Variants in HACL2 observed in about 807,000 individuals in gnomAD.
HACL2 encodes the protein 2-hydroxyacyl-CoA lyase 2.
the HACL2 span, chr19:15,116,717 A>G: frequency 1.7e-6 from 1 of 582,658 alleles, no homozygotes; most frequent in Non-Finnish European, 3.0e-6. Flanking sequence ...AGCCCAGGTG[A>G]AAAGGGAAGA....
At chr19:15,118,273 T>G in the HACL2 span, among the ~76,000 whole-genome samples, 1 of 152,288 alleles carries the variant, frequency 6.6e-6, no homozygotes, top group South Asian at 2.1e-4. Flanking sequence ...CTACATCCAT[T>G]TGTACAAGGT....
chr19:15,116,513 C>A, the HACL2 span: 3 of 1,613,054 alleles, frequency 1.9e-6, no homozygotes, highest in Non-Finnish European at 2.5e-6. Context: ...CACGAAGGAA[C>A]CCACATCTCC....
chr19:15,117,995 G>A, the HACL2 span: 5 of 1,614,056 alleles, frequency 3.1e-6, no homozygotes, highest in African/African-American at 6.7e-5. Flanking sequence ...CCATAGGATA[G>A]GCGGAAGTCA....
chr19:15,123,309 C>G, the HACL2 span: 3 of 1,604,946 alleles, frequency 1.9e-6, no homozygotes, highest in African/African-American at 2.7e-5. The surrounding 1 kb of genome is among the most constrained non-coding windows in gnomAD (Gnocchi z 5.1). Context: ...CTGAAAAACC[C>G]CTACCCTCAC....
the HACL2 span, chr19:15,124,864 C>G: frequency 6.5e-7 from 1 of 1,545,598 alleles, no homozygotes; most frequent in East Asian, 2.4e-5. Context: ...CTGGAAGCAG[C>G]ACCACGAGGC....
the HACL2 span, chr19:15,119,305 G>C: frequency 2.5e-6 from 4 of 1,603,122 alleles, no homozygotes; most frequent in African/African-American, 1.3e-5. Context: ...CGGCAGCCCT[G>C]GGAGTCCAGG....
the HACL2 span, chr19:15,122,854 G>A: frequency 1.1e-5 from 18 of 1,612,526 alleles, no homozygotes; most frequent in South Asian, 4.4e-5. This position sits in a 1 kb window ranked among gnomAD's most constrained non-coding sequence, Gnocchi z 4.0. Flanking sequence ...CCAGCCCCTC[G>A]GCCCCAGCAC....
At chr19:15,118,381 T>C in the HACL2 span, among the ~76,000 whole-genome samples, 14 of 152,172 alleles carry the variant, frequency 9.2e-5, no homozygotes, top group African/African-American at 3.4e-4. Flanking sequence ...ATGCAGTTTC[T>C]TCCTTGTTCA....
chr19:15,115,084 T>A, the HACL2 span: 1 of 757,180 alleles, frequency 1.3e-6, no homozygotes. Context: ...GTCCAAGAGC[T>A]CACAAGAGAG....
chr19:15,119,988 C>T, the HACL2 span: 17 of 1,547,472 alleles, frequency 1.1e-5, no homozygotes, highest in Middle Eastern at 1.7e-4. Context: ...TCACCTGCTG[C>T]GGGGAAGCCT....
the HACL2 span, among the ~76,000 whole-genome samples, chr19:15,121,827 A>T: frequency 1.4e-3 from 209 of 150,722 alleles, 1 homozygote; most frequent in Non-Finnish European, 2.3e-3. Context: ...AAAAAAAAAA[A>T]GAAAGAAAAG....
chr19:15,123,115 C>T, the HACL2 span: 12 of 1,613,576 alleles, frequency 7.4e-6, no homozygotes, highest in Non-Finnish European at 1.0e-5. The surrounding 1 kb of genome is among the most constrained non-coding windows in gnomAD (Gnocchi z 5.1). Context: ...GGACTGGGTA[C>T]CTGCAGCAGA....
At chr19:15,123,255 A>G in the HACL2 span, 1 of 1,613,000 alleles carries the variant, frequency 6.2e-7, no homozygotes, top group Admixed American at 1.7e-5. This position sits in a 1 kb window ranked among gnomAD's most constrained non-coding sequence, Gnocchi z 5.1. Context: ...TGGAACACAG[A>G]GCCCATCACA....
At chr19:15,123,014 T>C in the HACL2 span, 3 of 1,604,138 alleles carry the variant, frequency 1.9e-6, no homozygotes, top group Non-Finnish European at 2.5e-6. The surrounding 1 kb of genome is among the most constrained non-coding windows in gnomAD (Gnocchi z 5.1). Flanking sequence ...ATCAACAGCC[T>C]GGAGCGCACC....
the HACL2 span, chr19:15,119,361 C>T: frequency 6.2e-7 from 1 of 1,608,638 alleles, no homozygotes; most frequent in Non-Finnish European, 8.5e-7. Flanking sequence ...TCCCCAAGAG[C>T]ACCCGAGGAC....
chr19:15,115,459 G>T, the HACL2 span: 5 of 1,609,650 alleles, frequency 3.1e-6, no homozygotes, highest in Non-Finnish European at 3.4e-6. Flanking sequence ...TCGGATAGTG[G>T]CAAGGACTCA....
At chr19:15,119,096 C>T in the HACL2 span, 4,712 of 1,483,630 alleles carry the variant, frequency 3.2e-3, 83 homozygotes, top group African/African-American at 0.051. Flanking sequence ...CCTCCTCCTT[C>T]GTGTGAAGCT....
chr19:15,115,551 C>G, the HACL2 span: 3 of 1,608,478 alleles, frequency 1.9e-6, no homozygotes, highest in South Asian at 3.3e-5. Context: ...CCCAACCTCG[C>G]TGAGGCCCCC....
the HACL2 span, chr19:15,116,528 G>A: frequency 1.9e-6 from 3 of 1,609,236 alleles, no homozygotes; most frequent in South Asian, 2.2e-5. Context: ...ATCTCCTGGG[G>A]AAGGAAGAGG....
Sources: allele counts gnomAD v4.1 joint callset (sites outside exome capture counted in the v4.1 genomes callset), GRCh38; gene constraint gnomAD v4.1.1; non-coding constraint Gnocchi (gnomAD v3.1); transcripts MANE v1.5; gene names NCBI Gene and HGNC (gene_info 2026-07-23, HGNC 2026-07-21).